The following CNTNAP2 variants were observed in gnomAD, a reference collection of about 807,000 sequenced individuals.
CNTNAP2 encodes contactin-associated protein-like 2.
A neutral mutation model predicts 155.2 loss-of-function variants in CNTNAP2; 98 were observed. That is an observed-to-expected ratio of 0.63 (90% confidence interval 0.54 to 0.75). The LOEUF (loss-of-function observed/expected upper bound fraction) is 0.75, where lower values mean the gene tolerates loss of function less well. Among genes scored for constraint, CNTNAP2 ranks in the 30% least tolerant of loss-of-function variants. The probability of loss-of-function intolerance (pLI) is 0.00; values close to 1 mark genes in which losing one functional copy is unlikely to be tolerated. For missense variants in CNTNAP2, 1,727 were observed against 1,688.1 expected (o/e 1.02, Z -0.40); for synonymous variants, 651 against 631.2 (o/e 1.03, Z -0.47).
At chr7:147,749,297 A>C (rs1047018549) in intron 13 of CNTNAP2, among the ~76,000 whole-genome samples, 1 of 152,214 alleles carries the variant, frequency 6.6e-6, no homozygotes, top group Admixed American at 6.5e-5. Flanking sequence ...AAAGTTACAA[A>C]AGTTTTAATG....
chr7:146,512,804 A>C (rs1797487112), intron 1 of CNTNAP2, among the ~76,000 whole-genome samples: 1 of 151,410 alleles, frequency 6.6e-6, no homozygotes, highest in Non-Finnish European at 1.5e-5. Flanking sequence ...ATTTAGGTCC[A>C]TTTGCTCTAT....
intron 12 of CNTNAP2, among the ~76,000 whole-genome samples, chr7:147,633,858 A>G (rs1795131022): frequency 6.6e-6 from 1 of 152,196 alleles, no homozygotes; most frequent in South Asian, 2.1e-4. Context: ...TCCTTCATAA[A>G]TTACCCAGTC....
intron 3 of CNTNAP2, among the ~76,000 whole-genome samples, chr7:146,985,591 A>G (rs1798101605): frequency 6.6e-6 from 1 of 152,144 alleles, no homozygotes; most frequent in East Asian, 1.9e-4. Flanking sequence ...AAGTGCTAGG[A>G]TTACAGGCGT....
intron 15 of CNTNAP2, among the ~76,000 whole-genome samples, chr7:147,987,525 G>A (rs757603511): frequency 2.6e-5 from 4 of 152,156 alleles, no homozygotes; most frequent in Non-Finnish European, 5.9e-5. Flanking sequence ...GCAGGTCTGT[G>A]TTGTCAACAA....
rs550496538 is a variant in CNTNAP2 at position 147,230,074 on chromosome 7, T to C, written c.1349-70067T>C. Among the ~76,000 whole-genome samples the C allele has an allele frequency of 4.6e-5, 7 of 152,262 alleles. No homozygotes were observed. The South Asian group carries it at 1.5e-3, about 32-fold the overall frequency. ...ATTTTAATACTGACATGCAATTAAA[T>C]GATCCAAAGGCTTCATACATTTACC... On this transcript the variant is annotated intron_variant, in intron 8 of 23. Coordinates refer to ENST00000361727, the MANE Select transcript of CNTNAP2 (RefSeq NM_014141.6).
intron 8 of CNTNAP2, among the ~76,000 whole-genome samples, chr7:147,142,363 T>A (rs996690367): frequency 6.6e-5 from 10 of 152,208 alleles, no homozygotes; most frequent in African/African-American, 2.4e-4. Flanking sequence ...TCTGTTTATA[T>A]GCTGGATTAT....
At chr7:147,502,031 A>T (rs1265576295) in intron 11 of CNTNAP2, among the ~76,000 whole-genome samples, 1 of 152,196 alleles carries the variant, frequency 6.6e-6, no homozygotes, top group Admixed American at 6.5e-5. Flanking sequence ...TGAAGGATCC[A>T]TACATTGATA....
At chr7:147,646,380 G>T (rs1795363858) in intron 13 of CNTNAP2, among the ~76,000 whole-genome samples, 1 of 152,114 alleles carries the variant, frequency 6.6e-6, no homozygotes. Context: ...ATGGCTGATG[G>T]CATAGTGTAA....
chr7:147,349,087 A>C (rs1795927028), intron 9 of CNTNAP2, among the ~76,000 whole-genome samples: 1 of 151,530 alleles, frequency 6.6e-6, no homozygotes, highest in South Asian at 2.1e-4. Flanking sequence ...GTAGGATAAC[A>C]ATATTTAACA....
chr7:146,746,220 G>T (rs575778019), intron 1 of CNTNAP2, among the ~76,000 whole-genome samples: 73 of 152,190 alleles, frequency 4.8e-4, no homozygotes, highest in African/African-American at 1.7e-3. Context: ...AAATGTGTTG[G>T]TCATAAAAGT....
intron 21 of CNTNAP2, among the ~76,000 whole-genome samples, chr7:148,300,291 C>A (rs774678875): frequency 6.6e-6 from 1 of 152,150 alleles, no homozygotes; most frequent in Non-Finnish European, 1.5e-5. Flanking sequence ...AGTCCTGAAT[C>A]ATATTTCCTC....
intron 21 of CNTNAP2, among the ~76,000 whole-genome samples, chr7:148,301,062 G>A (rs1445975770): frequency 6.6e-5 from 10 of 151,980 alleles, no homozygotes; most frequent in South Asian, 4.2e-4. Flanking sequence ...TTGGGAGGCC[G>A]AGGTGGGTGG....
intron 14 of CNTNAP2, among the ~76,000 whole-genome samples, chr7:147,956,420 T>C (rs574099819): frequency 9.2e-5 from 14 of 152,262 alleles, no homozygotes; most frequent in African/African-American, 3.4e-4. Context: ...AAGAAAGATG[T>C]ACATGTCCTC....
intron 1 of CNTNAP2, among the ~76,000 whole-genome samples, chr7:146,354,817 A>G (rs1310205966): frequency 6.6e-6 from 1 of 152,218 alleles, no homozygotes; most frequent in Non-Finnish European, 1.5e-5. Flanking sequence ...AGGAGGAGAA[A>G]GAAATTGAGT....
intron 10 of CNTNAP2, among the ~76,000 whole-genome samples, chr7:147,455,070 C>G (rs1179755385): frequency 6.6e-6 from 1 of 152,054 alleles, no homozygotes; most frequent in African/African-American, 2.4e-5. Context: ...GAAATGCTTC[C>G]CCGTCTTCAA....
intron 1 of CNTNAP2, among the ~76,000 whole-genome samples, chr7:146,133,097 T>C (rs1797741747): frequency 2.0e-5 from 3 of 149,712 alleles, no homozygotes; most frequent in African/African-American, 7.6e-5. Context: ...TTTTTAATGA[T>C]TGCCATTCTA....
intron 21 of CNTNAP2, among the ~76,000 whole-genome samples, chr7:148,369,255 G>A (rs1798844525): frequency 8.2e-6 from 1 of 121,386 alleles, no homozygotes; most frequent in African/African-American, 3.2e-5. Context: ...CTGGAACGCA[G>A]TGCTGTGATC....
chr7:147,016,231 T>G (rs922376879), intron 3 of CNTNAP2, among the ~76,000 whole-genome samples: 4 of 152,022 alleles, frequency 2.6e-5, no homozygotes, highest in African/African-American at 9.7e-5. Flanking sequence ...GTCAGTCTTT[T>G]AATCTAGTAT....
At chr7:146,198,143 T>A (rs1441623362) in intron 1 of CNTNAP2, among the ~76,000 whole-genome samples, 1 of 152,182 alleles carries the variant, frequency 6.6e-6, no homozygotes, top group Non-Finnish European at 1.5e-5. Flanking sequence ...ATTCGGATTA[T>A]AACTTGAGAT....
Sources: gnomAD v4.1 joint callset for allele counts (sites outside exome capture counted in the v4.1 genomes callset) on GRCh38, gnomAD v4.1.1 for gene constraint, MANE v1.5 for transcripts, NCBI Gene and HGNC (gene_info 2026-07-23, HGNC 2026-07-21) for gene names.